The following DLG2 variants were observed in gnomAD, a reference collection of about 807,000 sequenced individuals.
The protein encoded by DLG2 is disks large homolog 2.
Under a neutral mutation model 132.5 loss-of-function variants are expected in DLG2, and 45 were observed. The ratio of observed to expected loss-of-function variants is 0.34; its 90% CI spans 0.27 to 0.44. The LOEUF is 0.44. DLG2 is among the 20% of genes least tolerant of loss of function. The pLI is 1.00. For synonymous variants in DLG2, 424 were observed against 419.6 expected (o/e 1.01, Z -0.13); for missense variants, 1,045 against 1,196.9 (o/e 0.87, Z 1.87).
chr11:85,495,857 C>T (rs2093657567), intron 3 of DLG2, among the ~76,000 whole-genome samples: 2 of 152,166 alleles, frequency 1.3e-5, no homozygotes, highest in Admixed American at 1.3e-4. Context: ...CTATTTACAA[C>T]AGCAAAGATT....
intron 3 of DLG2, among the ~76,000 whole-genome samples, chr11:85,555,545 C>T (rs1191288305): frequency 2.0e-5 from 3 of 151,832 alleles, no homozygotes; most frequent in Non-Finnish European, 4.4e-5. Flanking sequence ...CTTGTTTTTT[C>T]CCACCCACCT....
intron 3 of DLG2, among the ~76,000 whole-genome samples, chr11:85,320,041 C>T (rs2080950068): frequency 6.6e-6 from 1 of 151,858 alleles, no homozygotes; most frequent in African/African-American, 2.4e-5. Context: ...TTAAACCATG[C>T]TCTTTGAGCC....
At chr11:83,743,427 C>G (rs939942744) in intron 18 of DLG2, among the ~76,000 whole-genome samples, 7 of 77,974 alleles carry the variant, frequency 9.0e-5, no homozygotes, top group African/African-American at 2.0e-4. Context: ...AGTGGGCAGG[C>G]CATTTTTTTT....
intron 6 of DLG2, among the ~76,000 whole-genome samples, chr11:84,634,914 C>T (rs2099638076): frequency 2.0e-5 from 3 of 152,170 alleles, no homozygotes; most frequent in African/African-American, 7.2e-5. Flanking sequence ...AAATACCGGA[C>T]ATCCTCAAGG....
intron 11 of DLG2, among the ~76,000 whole-genome samples, chr11:83,984,243 G>A (rs988661118): frequency 9.2e-5 from 14 of 151,622 alleles, no homozygotes; most frequent in African/African-American, 2.9e-4. Context: ...GATAAAAATC[G>A]AGTAACATTT....
intron 3 of DLG2, among the ~76,000 whole-genome samples, chr11:85,527,428 T>C (rs1292634979): frequency 2.0e-5 from 3 of 152,102 alleles, no homozygotes; most frequent in Non-Finnish European, 4.4e-5. Flanking sequence ...CTCCCACTTA[T>C]TAGTGGGAAC....
At chr11:84,099,136 A>T in intron 9 of DLG2, 89 bp from the exon 10 acceptor site, 2 of 1,218,718 alleles carry the variant, frequency 1.6e-6, no homozygotes, top group Non-Finnish European at 2.4e-6. Context: ...GTTACTACTC[A>T]AATGGAAATC....
At chr11:85,202,823 A>G (rs909627798) in intron 4 of DLG2, among the ~76,000 whole-genome samples, 1 of 151,966 alleles carries the variant, frequency 6.6e-6, no homozygotes, top group African/African-American at 2.4e-5. Context: ...AATCAAAATG[A>G]AAATTTTAAA....
chr11:85,540,424 G>C (rs983518975), intron 3 of DLG2, among the ~76,000 whole-genome samples: 1 of 152,178 alleles, frequency 6.6e-6, no homozygotes, highest in Non-Finnish European at 1.5e-5. Context: ...AATTTGGTCA[G>C]TAGTGATCAG....
intron 6 of DLG2, among the ~76,000 whole-genome samples, chr11:84,961,526 TTGTGTGTGTGTGTGTGTGTG>T (rs71465017): frequency 7.0e-6 from 1 of 143,786 alleles, no homozygotes; most frequent in Non-Finnish European, 1.5e-5. Flanking sequence ...AATTGTATCT[TTGTGTGTGTGTGTGTGTGTG>T]TGTGTGTGTG....
chr11:84,420,333 C>T (rs536526488), intron 7 of DLG2, among the ~76,000 whole-genome samples: 2 of 152,310 alleles, frequency 1.3e-5, no homozygotes, highest in South Asian at 4.1e-4. Context: ...AGACAAGTCC[C>T]TTTCTTCCCC....
chr11:85,044,394 G>A (rs1189847406), intron 6 of DLG2, among the ~76,000 whole-genome samples: 3 of 151,920 alleles, frequency 2.0e-5, no homozygotes, highest in Non-Finnish European at 4.4e-5. Context: ...TGTGTTGTGT[G>A]TTTATAAATG....
At chr11:85,069,809 A>G (rs2065522757) in intron 6 of DLG2, among the ~76,000 whole-genome samples, 1 of 152,146 alleles carries the variant, frequency 6.6e-6, no homozygotes, top group Non-Finnish European at 1.5e-5. Flanking sequence ...CTGGGTACAC[A>G]CCCAAAGGAT....
At chr11:85,320,201 A>C (rs2080964014) in intron 3 of DLG2, among the ~76,000 whole-genome samples, 1 of 151,948 alleles carries the variant, frequency 6.6e-6, no homozygotes, top group African/African-American at 2.4e-5. Context: ...CAAAGAATGA[A>C]AATTTAGAGT....
chr11:85,172,528 C>G (rs2078949617), intron 4 of DLG2, among the ~76,000 whole-genome samples: 1 of 152,196 alleles, frequency 6.6e-6, no homozygotes, highest in African/African-American at 2.4e-5. Context: ...TGCAAAAATG[C>G]TGAAAACTCA....
At chr11:84,645,463 C>CTTTA (rs559996063) in intron 6 of DLG2, among the ~76,000 whole-genome samples, 3 of 152,020 alleles carry the variant, frequency 2.0e-5, no homozygotes, top group East Asian at 3.9e-4. Flanking sequence ...CCATAATTAT[C>CTTTA]TTTATTTATT....
At chr11:84,407,673 T>G (rs2098863137) in intron 7 of DLG2, among the ~76,000 whole-genome samples, 1 of 152,184 alleles carries the variant, frequency 6.6e-6, no homozygotes, top group Non-Finnish European at 1.5e-5. Context: ...TAACATATCT[T>G]ATAGCATTTG....
chr11:84,032,974 A>T (rs369660880), intron 11 of DLG2, among the ~76,000 whole-genome samples: 1 of 152,168 alleles, frequency 6.6e-6, no homozygotes, highest in Non-Finnish European at 1.5e-5. Context: ...CTTGAGATGC[A>T]CTGGTCAGAA....
intron 14 of DLG2, among the ~76,000 whole-genome samples, chr11:83,938,857 A>C (rs895844368): frequency 6.6e-6 from 1 of 152,194 alleles, no homozygotes; most frequent in East Asian, 1.9e-4. Flanking sequence ...AGTGAGATCT[A>C]AGGAGCTGGA....
Sources: gnomAD v4.1 joint callset for allele counts (sites outside exome capture counted in the v4.1 genomes callset) on GRCh38, gnomAD v4.1.1 for gene constraint, MANE v1.5 for transcripts, NCBI Gene and HGNC (gene_info 2026-07-23, HGNC 2026-07-21) for gene names.